The following FANK1 variants were observed in gnomAD, a reference collection of about 807,000 sequenced individuals.
The protein encoded by FANK1 is fibronectin type 3 and ankyrin repeat domains protein 1.
A neutral mutation model predicts 45.3 loss-of-function variants in FANK1; 44 were observed. The ratio of observed to expected loss-of-function variants is 0.97; its 90% confidence interval spans 0.76 to 1.25. The LOEUF is 1.25. FANK1 is among the 50% of genes most tolerant of loss of function. FANK1 has a pLI of 0.00. For synonymous variants in FANK1, 149 were observed against 152.5 expected (o/e 0.98, Z 0.17); for missense variants, 391 against 424.4 (o/e 0.92, Z 0.69).
At chr10:126,002,149 A>G (rs1260613943) in intron 6 of FANK1, among the ~76,000 whole-genome samples, 3 of 151,950 alleles carry the variant, frequency 2.0e-5, no homozygotes, top group African/African-American at 7.3e-5. Context: ...TGTCTCTACT[A>G]AAAATACAAA....
At chr10:126,000,413 A>G (rs890843246) in intron 6 of FANK1, among the ~76,000 whole-genome samples, 11 of 152,186 alleles carry the variant, frequency 7.2e-5, no homozygotes, top group African/African-American at 2.7e-4. Context: ...AAAAAGTAGA[A>G]TGGAATAGAA....
At chr10:125,912,635 TTTTTA>T (rs1946120486) in intron 1 of FANK1, among the ~76,000 whole-genome samples, 1 of 152,208 alleles carries the variant, frequency 6.6e-6, no homozygotes, top group Non-Finnish European at 1.5e-5. Flanking sequence ...CTTACCTTTG[TTTTTA>T]TTTTATTTTT....
At position 125,980,100 on chromosome 10, in the gene FANK1, G is replaced by A. The variant is rs544994187; in HGVS notation, c.14-61G>A. On this transcript the variant is annotated intron_variant, in intron 1 of 10. Transcript: ENST00000368693. ...ATCACCAAGCAGCTGTAATCCACTC[G>A]ACTGGTCTCTCTTCCTTATGGAAAC... is the stretch of plus-strand genomic sequence containing the variant. The A allele has an allele frequency of 8.9e-5, 138 of 1,547,534 alleles. 1 individual carries two copies. Among genetic ancestry groups the A allele is most frequent in the South Asian group, 2.7e-4 (22 of 81,602 alleles).
chr10:125,928,261 C>CTTTTTTTTTTTT lies in FANK1; in HGVS notation c.13+31613_13+31624dup, dbSNP rs34889746. Among the ~76,000 whole-genome samples the CTTTTTTTTTTTT allele has an allele frequency of 2.2e-5, 3 of 137,722 alleles. 1 individual carries two copies. Among genetic ancestry groups the CTTTTTTTTTTTT allele is most frequent in the Non-Finnish European group, 1.5e-5 (1 of 65,400 alleles). 90.4% of individuals were successfully genotyped at this position (137,722 alleles called of 152,430 possible). ...TAAACAAGGGGTGGATTATTCGTGC[C>CTTTTTTTTTTTT]TTTTTTTTTTTTTTTTTTAAAGACC... is the stretch of plus-strand genomic sequence containing the variant. On this transcript the variant is annotated intron_variant, in intron 1 of 10. Coordinates refer to ENST00000368693, the MANE Select transcript of FANK1 (RefSeq NM_145235.5).
intron 6 of FANK1, 141 bp downstream of exon 6, chr10:125,997,626 G>A: frequency 2.8e-6 from 2 of 719,148 alleles, no homozygotes; most frequent in South Asian, 2.0e-5. Flanking sequence ...GCTGAGGAAA[G>A]ATGGTGATCA....
chr10:125,997,421 C>T lies in FANK1; in HGVS notation c.475C>T (p.Leu159Phe). ...MVAAQKGYTR[L>F]VKILVSNGTD... ...TACACTTAAGTTTGTTTCCTTTAGG[C>T]TTGTGAAAATCCTAGTTTCTAATGG... Residue 159 changes from leucine (L) to phenylalanine (F), a missense_variant and splice_region_variant, in exon 6 of 11, where the codon CTT (leucine) becomes TTT (phenylalanine). Coordinates refer to ENST00000368693, the MANE Select transcript of FANK1 (RefSeq NM_145235.5). 3.1e-6 allele frequency: 5 copies of T among 1,613,620 alleles called. No homozygotes were observed. The highest frequency in any genetic ancestry group is 4.2e-6 in the Non-Finnish European group (5 of 1,179,726).
chr10:125,898,588 G>A (rs1006377499), intron 1 of FANK1, among the ~76,000 whole-genome samples: 1 of 152,072 alleles, frequency 6.6e-6, no homozygotes. Flanking sequence ...GAGGCTCACG[G>A]TAGGAAGATT....
chr10:125,916,867 C>A (rs1200536221), intron 1 of FANK1, among the ~76,000 whole-genome samples: 1 of 152,228 alleles, frequency 6.6e-6, no homozygotes, highest in East Asian at 1.9e-4. Context: ...TGACGCAGGT[C>A]ACAAGGCCCT....
chr10:125,923,150 AT>A (rs567660396), intron 1 of FANK1, among the ~76,000 whole-genome samples: 79 of 148,414 alleles, frequency 5.3e-4, no homozygotes, highest in Middle Eastern at 3.4e-3. Flanking sequence ...GTCAATTTTG[AT>A]TTTTTTTTTC....
In FANK1 at chr10:125,969,349, TA is replaced by T. The variant is rs538124047; in HGVS notation, c.14-10798del. ...AAATTTGGATGCTGGTTATCAGACT[TA>T]AAAAAAAAAAAAAGTACCTTTTGAA... is the stretch of plus-strand genomic sequence containing the variant. On this transcript the variant is annotated intron_variant, in intron 1 of 10. Coordinates refer to ENST00000368693, the MANE Select transcript of FANK1 (RefSeq NM_145235.5). Among the ~76,000 whole-genome samples the T allele has an allele frequency of 3.1e-3, 443 of 141,626 alleles. 2 individuals carry two copies. The highest frequency in any genetic ancestry group is 5.2e-3 in the East Asian group (26 of 4,978). 92.9% of individuals were successfully genotyped at this position (141,626 alleles called of 152,430 possible).
intron 1 of FANK1, among the ~76,000 whole-genome samples, chr10:125,945,257 C>T (rs1290611159): frequency 6.6e-6 from 1 of 152,048 alleles, no homozygotes; most frequent in African/African-American, 2.4e-5. Flanking sequence ...GCCAAGATGG[C>T]CGAATAGGAA....
intron 1 of FANK1, among the ~76,000 whole-genome samples, chr10:125,943,459 C>A (rs1333536219): frequency 6.6e-6 from 1 of 152,048 alleles, no homozygotes; most frequent in Non-Finnish European, 1.5e-5. Flanking sequence ...TTTTCATCAC[C>A]CCCAGGAGAA....
chr10:125,932,571 G>A (rs370937296), intron 1 of FANK1, among the ~76,000 whole-genome samples: 1 of 151,994 alleles, frequency 6.6e-6, no homozygotes, highest in Admixed American at 6.6e-5. Context: ...ATCTTGCATC[G>A]GAAAAACTTG....
At chr10:125,913,082 C>T (rs1157771455) in intron 1 of FANK1, among the ~76,000 whole-genome samples, 1 of 152,156 alleles carries the variant, frequency 6.6e-6, no homozygotes, top group Admixed American at 6.5e-5. Flanking sequence ...ATTTTTGTTT[C>T]CTGAAAACAG....
chr10:125,922,341 C>A lies in FANK1; in HGVS notation c.13+25686C>A, dbSNP rs559626879. ...CCCAGAATATGATCTCTCACCACCG[C>A]CATCCAGATAATTCTTCAGGTTTTG... On this transcript the variant is annotated intron_variant, in intron 1 of 10. Coordinates refer to ENST00000368693, the MANE Select transcript of FANK1 (RefSeq NM_145235.5). Among the ~76,000 whole-genome samples, 8 of 152,352 alleles carry A rather than the reference C, an allele frequency of 5.3e-5. No individual in the cohort carries two copies. In the East Asian group the frequency reaches 1.5e-3, roughly 29 times the overall value.
rs140807521 is a variant in FANK1 at position 125,954,527 on chromosome 10, A to T, written c.14-25634A>T. ...AAAGGATCAATAATTTTTAAATGAA[A>T]TAAATATGAAGACCTACTTGAAATC... is the stretch of plus-strand genomic sequence containing the variant. On this transcript the variant is annotated intron_variant, in intron 1 of 10. Coordinates refer to ENST00000368693, the MANE Select transcript of FANK1 (RefSeq NM_145235.5). 4.1e-3 allele frequency among the ~76,000 whole-genome samples: 631 copies of T among 152,368 alleles called. 6 individuals are homozygous for T. The highest frequency in any genetic ancestry group is 0.014 in the African/African-American group (581 of 41,598).
intron 1 of FANK1, among the ~76,000 whole-genome samples, chr10:125,935,667 C>T (rs1948048243): frequency 6.6e-6 from 1 of 152,080 alleles, no homozygotes; most frequent in South Asian, 2.1e-4. Flanking sequence ...TGACCAATGT[C>T]ACAAATGTCA....
At chr10:125,952,141 G>T (rs1159315547) in intron 1 of FANK1, among the ~76,000 whole-genome samples, 1 of 151,892 alleles carries the variant, frequency 6.6e-6, no homozygotes, top group African/African-American at 2.4e-5. Context: ...GTAATATTTG[G>T]TGTTTGTGTC....
intron 1 of FANK1, among the ~76,000 whole-genome samples, chr10:125,954,417 A>T (rs11244716): frequency 0.37 from 56,343 of 152,046 alleles, 10,951 homozygotes; most frequent in Non-Finnish European, 0.44. Context: ...TTGGCACAGT[A>T]TCTGACCCAT....
Sources: gnomAD v4.1 joint callset for allele counts (sites outside exome capture counted in the v4.1 genomes callset) on GRCh38, gnomAD v4.1.1 for gene constraint, MANE v1.5 for transcripts, NCBI Gene and HGNC (gene_info 2026-07-23, HGNC 2026-07-21) for gene names.